DTNBP1: variants seen among roughly 807,000 people sequenced by gnomAD.
DTNBP1 encodes the protein dystrobrevin binding protein 1.
A neutral mutation model predicts 42.8 loss-of-function variants in DTNBP1; 35 were observed. The ratio of observed to expected loss-of-function variants is 0.82; its 90% CI spans 0.63 to 1.09. DTNBP1 has a LOEUF of 1.09. Ranked by LOEUF, DTNBP1 falls within the 50% of genes least tolerant of loss-of-function variation. The pLI, the probability that DTNBP1 is intolerant of heterozygous loss-of-function variation, is 0.00. For synonymous variants in DTNBP1, 171 were observed against 162.2 expected, an observed-to-expected ratio of 1.05 and a Z score of -0.41; for missense variants, 457 against 424.2, an observed-to-expected ratio of 1.08 and a Z score of -0.68.
At chr6:15,544,526 A>G (rs1369892319) in intron 7 of DTNBP1, among the ~76,000 whole-genome samples, 2 of 152,216 alleles carry the variant, frequency 1.3e-5, no homozygotes, top group Non-Finnish European at 2.9e-5. Context: ...CATCCCCATC[A>G]TCACTGTGTG....
intron 4 of DTNBP1, among the ~76,000 whole-genome samples, chr6:15,629,072 C>A (rs1414165391): frequency 6.6e-6 from 1 of 152,024 alleles, no homozygotes; most frequent in African/African-American, 2.4e-5. Context: ...TAAAAAAAAT[C>A]TTTAAAAGTA....
intron 1 of DTNBP1, among the ~76,000 whole-genome samples, chr6:15,659,067 A>C (rs1761441119): frequency 6.6e-6 from 1 of 152,238 alleles, no homozygotes; most frequent in Non-Finnish European, 1.5e-5. Flanking sequence ...AGTAATCTCT[A>C]CACTGCCCTT....
chr6:15,599,758 G>A (rs1776654557), intron 6 of DTNBP1, among the ~76,000 whole-genome samples: 3 of 152,116 alleles, frequency 2.0e-5, no homozygotes, highest in Admixed American at 1.3e-4. Context: ...GTGTACTAGT[G>A]TTTAATGACT....
intron 6 of DTNBP1, among the ~76,000 whole-genome samples, chr6:15,596,048 C>A (rs1316913102): frequency 1.3e-5 from 2 of 152,050 alleles, no homozygotes; most frequent in Non-Finnish European, 1.5e-5. Context: ...ACGTTGGGGG[C>A]ACGTGGGGAA....
intron 1 of DTNBP1, among the ~76,000 whole-genome samples, chr6:15,661,035 C>T (rs990762487): frequency 3.9e-5 from 6 of 152,172 alleles, no homozygotes; most frequent in East Asian, 1.9e-4. Context: ...TGAATGACTC[C>T]GAGCGTCCAT....
intron 3 of DTNBP1, among the ~76,000 whole-genome samples, chr6:15,642,975 T>C (rs1047570160): frequency 6.6e-6 from 1 of 152,186 alleles, no homozygotes; most frequent in Non-Finnish European, 1.5e-5. Flanking sequence ...AACTGAAATG[T>C]ATAGGATGAC....
At chr6:15,633,875 GC>G (rs993625267) in intron 4 of DTNBP1, among the ~76,000 whole-genome samples, 1 of 152,044 alleles carries the variant, frequency 6.6e-6, no homozygotes, top group Non-Finnish European at 1.5e-5. Flanking sequence ...CATTTTTTAA[GC>G]AATACAGTAT....
At chr6:15,618,436 G>A (rs140725473) in intron 5 of DTNBP1, among the ~76,000 whole-genome samples, 64 of 151,674 alleles carry the variant, frequency 4.2e-4, no homozygotes, top group African/African-American at 1.3e-3. Context: ...AACGTTCACT[G>A]TTTGGGTATT....
chr6:15,644,052 TA>T (rs1235107958), intron 3 of DTNBP1, among the ~76,000 whole-genome samples: 1 of 151,966 alleles, frequency 6.6e-6, no homozygotes, highest in East Asian at 1.9e-4. Flanking sequence ...ATCTCACATG[TA>T]ATGACACCCA....
At chr6:15,615,064 C>T (rs1385192926) in intron 6 of DTNBP1, 3 of 762,916 alleles carry the variant, frequency 3.9e-6, no homozygotes, top group South Asian at 1.5e-5. Context: ...TCATGTTTTA[C>T]CTTCTCCTGA....
intron 4 of DTNBP1, among the ~76,000 whole-genome samples, chr6:15,636,428 G>A (rs1274931380): frequency 2.0e-5 from 3 of 152,170 alleles, no homozygotes; most frequent in Non-Finnish European, 4.4e-5. Flanking sequence ...TGGGATTACA[G>A]GTGTGAGCCA....
Position 15,648,514 on chromosome 6 carries a change from C to CA in DTNBP1, c.161+2798dup, listed in dbSNP as rs1451304766. On this transcript the variant is annotated intron_variant, in intron 3 of 9. Coordinates refer to ENST00000344537, the MANE Select transcript of DTNBP1 (RefSeq NM_032122.5). The stretch of plus-strand genomic sequence containing the variant: ...TGCAGAAAACCCTGAAAGTTCCACA[C>CA]AAAAAACTATCAGGATAAAGGAACT... Among the ~76,000 whole-genome samples, 6 of 151,970 alleles carry CA rather than the reference C, an allele frequency of 3.9e-5. No homozygotes were observed. The East Asian group carries it at 9.6e-4, about 24-fold the overall frequency.
At chr6:15,553,700 A>G (rs556253563) in intron 7 of DTNBP1, among the ~76,000 whole-genome samples, 56 of 149,822 alleles carry the variant, frequency 3.7e-4, no homozygotes, top group African/African-American at 1.3e-3. Flanking sequence ...CTAATTCTTA[A>G]GTCGTTTTCA....
chr6:15,538,079 C>T (rs1773347082), intron 7 of DTNBP1, among the ~76,000 whole-genome samples: 1 of 152,120 alleles, frequency 6.6e-6, no homozygotes, highest in African/African-American at 2.4e-5. Flanking sequence ...TGTACCTGCT[C>T]TGCACTCCCT....
At chr6:15,533,126 A>G in intron 8 of DTNBP1, 114 bp downstream of exon 8, 1 of 1,529,022 alleles carries the variant, frequency 6.5e-7, no homozygotes, top group South Asian at 1.2e-5. Context: ...GGGGTCTCAT[A>G]ACAGAACGGA....
At chr6:15,524,030 CAA>C (rs1772153054) in intron 9 of DTNBP1, 2 of 1,291,218 alleles carry the variant, frequency 1.5e-6, no homozygotes, top group Non-Finnish European at 2.0e-6. Context: ...GAATGTGAAA[CAA>C]AATTTTGTGA....
intron 8 of DTNBP1, among the ~76,000 whole-genome samples, chr6:15,527,945 C>T (rs936441849): frequency 2.0e-5 from 3 of 152,148 alleles, no homozygotes; most frequent in Non-Finnish European, 1.5e-5. Context: ...ATAGGTAACT[C>T]TTCAAATAGA....
chr6:15,641,490 A>G (rs1021047679), intron 3 of DTNBP1, among the ~76,000 whole-genome samples: 2 of 152,112 alleles, frequency 1.3e-5, no homozygotes, highest in African/African-American at 4.8e-5. Context: ...TACCCCTCCA[A>G]CAATCTCCTG....
chr6:15,586,451 C>T (rs560893411), intron 7 of DTNBP1, among the ~76,000 whole-genome samples: 1 of 152,196 alleles, frequency 6.6e-6, no homozygotes, highest in African/African-American at 2.4e-5. Context: ...CAATCAGCCA[C>T]TCTCACTGTA....
Sources: gnomAD v4.1 joint callset for allele counts (sites outside exome capture counted in the v4.1 genomes callset) on GRCh38, gnomAD v4.1.1 for gene constraint, MANE v1.5 for transcripts, NCBI Gene and HGNC (gene_info 2026-07-23, HGNC 2026-07-21) for gene names.